The following PDK1 variants were observed in gnomAD, a reference collection of about 807,000 sequenced individuals.
PDK1 encodes pyruvate dehydrogenase kinase 1.
Under a neutral mutation model 54.2 loss-of-function variants are expected in PDK1, and 39 were observed. That is an observed-to-expected ratio of 0.72 (90% CI 0.56 to 0.94). PDK1 has a LOEUF of 0.94. Among genes scored for constraint, PDK1 ranks in the 40% least tolerant of loss-of-function variants. PDK1 has a pLI of 0.00. For missense variants in PDK1, 552 were observed against 566.0 expected (o/e 0.98, Z 0.25); for synonymous variants, 221 against 207.1 (o/e 1.07, Z -0.58).
the PDK1 span, among the ~76,000 whole-genome samples, chr2:172,642,202 A>C: frequency 6.6e-6 from 1 of 152,110 alleles, no homozygotes; most frequent in African/African-American, 2.4e-5. Context: ...GAAAAAAAGG[A>C]TATGTTATTA....
In PDK1 at chr2:172,601,188, A is replaced by G. The variant is rs1691104707; in HGVS notation, c.*5219A>G. 6.6e-6 allele frequency: 1 copy of G among 152,208 alleles called. No individual in the cohort carries two copies. The highest frequency in any genetic ancestry group is 2.4e-5 in the African/African-American group (1 of 41,440). The allele number at this position is 152,208 out of a possible 1,614,324, so 9.4% of individuals were successfully genotyped here. A position where few individuals can be genotyped will look rare whatever the true frequency, so the allele number is the denominator to read the frequency against. On this transcript the variant is annotated 3_prime_UTR_variant, in exon 11 of 11. Transcript: ENST00000282077. ...TTTCCATTCTCAAAATGATACTTAA[A>G]TGACTCAGTACAACAAAGAAACTGA... is the stretch of plus-strand genomic sequence containing the variant.
At chr2:172,669,939 C>G in the PDK1 span, among the ~76,000 whole-genome samples, 2 of 152,096 alleles carry the variant, frequency 1.3e-5, no homozygotes, top group Non-Finnish European at 2.9e-5. Context: ...AATATTTTCT[C>G]CATCTGTGGG....
At chr2:172,668,922 GAGAGAGAGAGAGAGAGAA>G in the PDK1 span, among the ~76,000 whole-genome samples, 696 of 146,544 alleles carry the variant, frequency 4.7e-3, 5 homozygotes, top group African/African-American at 0.016. Flanking sequence ...GAGAGAGAGA[GAGAGAGAGAGAGAGAGAA>G]AGAGAGAGAG....
chr2:172,599,366 TC>T lies in PDK1; in HGVS notation c.*3400del, dbSNP rs1244407129. 3.9e-5 allele frequency: 6 copies of T among 152,116 alleles called. No individual in the cohort carries two copies. Among genetic ancestry groups the T allele is most frequent in the African/African-American group, 1.4e-4 (6 of 41,426 alleles). 9.4% of individuals were successfully genotyped at this position (152,116 alleles called of 1,614,324 possible). ...GCTGGGAAAACTGTTAGTTTTAAGG[TC>T]CCACTGTTGCTCTGTGAATGACTAA... On this transcript the variant is annotated 3_prime_UTR_variant, in exon 11 of 11. Transcript: ENST00000282077.
chr2:172,611,779 AAGAAG>A (rs1439485943), downstream of PDK1, among the ~76,000 whole-genome samples: 3 of 152,258 alleles, frequency 2.0e-5, no homozygotes, highest in African/African-American at 7.2e-5. Flanking sequence ...AAACAGGCTG[AAGAAG>A]AGAAATCATA....
chr2:172,636,441 C>T, the PDK1 span, among the ~76,000 whole-genome samples: 48 of 151,928 alleles, frequency 3.2e-4, 1 homozygote, highest in East Asian at 6.2e-3. Context: ...AGAACTCAGC[C>T]GGGCGCGATG....
Position 172,593,014 on chromosome 2 carries a change from A to C in PDK1, c.1136A>C (p.Glu379Ala). ...FQGDLKLYSL[E>A]GYGTDAVIYI... ...GGAGACCTGAAGCTGTATTCCCTAG[A>C]GGGTTACGGGACAGATGCAGTTATC... is the stretch of plus-strand genomic sequence containing the variant. Residue 379 changes from glutamate to alanine, a missense_variant, in exon 10 of 11, where the codon GAG (glutamate) becomes GCG (alanine). Glu to Ala is a moderately radical substitution (Grantham distance 107, BLOSUM62 -1). Transcript: ENST00000282077. The C allele has an allele frequency of 6.2e-7, 1 of 1,605,710 alleles. No individual in the cohort carries two copies. The highest frequency in any genetic ancestry group is 8.5e-7 in the Non-Finnish European group (1 of 1,172,598).
the PDK1 span, among the ~76,000 whole-genome samples, chr2:172,716,843 T>C: frequency 1.3e-5 from 2 of 152,160 alleles, no homozygotes; most frequent in Non-Finnish European, 2.9e-5. Context: ...ATCACTAAAA[T>C]GATATTTTCA....
chr2:172,721,227 G>C, the PDK1 span, among the ~76,000 whole-genome samples: 1 of 152,264 alleles, frequency 6.6e-6, no homozygotes, highest in African/African-American at 2.4e-5. Context: ...TATCTGATGG[G>C]TTCAAGAAAA....
chr2:172,672,206 A>G, the PDK1 span, among the ~76,000 whole-genome samples: 1 of 152,204 alleles, frequency 6.6e-6, no homozygotes, highest in Non-Finnish European at 1.5e-5. Context: ...CTCTCATTTT[A>G]GTCATTCTCC....
the PDK1 span, among the ~76,000 whole-genome samples, chr2:172,614,220 G>C: frequency 6.7e-6 from 1 of 148,556 alleles, no homozygotes; most frequent in Non-Finnish European, 1.5e-5. Flanking sequence ...TACCTGTTCA[G>C]ACAGAGTCCT....
At chr2:172,587,904 C>T (rs912780989) in intron 9 of PDK1, among the ~76,000 whole-genome samples, 4 of 152,008 alleles carry the variant, frequency 2.6e-5, no homozygotes, top group African/African-American at 4.8e-5. Context: ...AGACGAAGAG[C>T]GCCAATTGGT....
At chr2:172,681,978 G>A in the PDK1 span, among the ~76,000 whole-genome samples, 1 of 152,260 alleles carries the variant, frequency 6.6e-6, no homozygotes, top group South Asian at 2.1e-4. Flanking sequence ...GGCTGGTCTT[G>A]AACCACTGAC....
intron 3 of PDK1, chr2:172,562,764 A>G: frequency 6.2e-7 from 1 of 1,603,896 alleles, no homozygotes; most frequent in Non-Finnish European, 8.5e-7. Flanking sequence ...ACATGGTTGC[A>G]GGTCTCTAGT....
At chr2:172,669,494 C>T in the PDK1 span, among the ~76,000 whole-genome samples, 1 of 152,170 alleles carries the variant, frequency 6.6e-6, no homozygotes, top group Non-Finnish European at 1.5e-5. Context: ...GGAGTGCAGA[C>T]ATCTCTTCAG....
Position 172,606,428 on chromosome 2 carries a change from T to C in PDK1, c.*10459T>C, listed in dbSNP as rs1691296790. ...CTTTCTATACTTTAGTGAACCTCCATGTTATGAACCTTACTTCCTCAAGTC... is the reference window on the plus strand; with the variant it reads ...CTTTCTATACTTTAGTGAACCTCCACGTTATGAACCTTACTTCCTCAAGTC... On this transcript the variant is annotated 3_prime_UTR_variant, in exon 11 of 11. Transcript: ENST00000282077. 6.6e-6 allele frequency: 1 copy of C among 152,330 alleles called. No homozygotes were observed. Among genetic ancestry groups the C allele is most frequent in the Middle Eastern group, 3.4e-3 (1 of 294 alleles). The allele number at this position is 152,330 out of a possible 1,614,324, so 9.4% of individuals were successfully genotyped here. A position where few individuals can be genotyped will look rare whatever the true frequency, so the allele number is the denominator to read the frequency against.
In PDK1 at chr2:172,566,877, G is replaced by A. The variant is rs200433531; in HGVS notation, c.713G>A (p.Arg238His). The A allele has an allele frequency of 1.4e-5, 23 of 1,609,608 alleles. No individual in the cohort carries two copies. The highest frequency in any genetic ancestry group is 6.7e-5 in the East Asian group (3 of 44,764). Residue 238 changes from arginine to histidine, a missense_variant, in exon 6 of 11, where the codon CGT becomes CAT. Coordinates refer to ENST00000282077, the MANE Select transcript of PDK1 (RefSeq NM_002610.5). Reference protein sequence around the residue: ...VIKDGYENARRLCDLYYINSP... With the variant: ...VIKDGYENARHLCDLYYINSP... ...CTAGATGGCTATGAAAATGCTAGGC[G>A]TCTGTGTGATTTGTATTATATTAAC...
the PDK1 span, among the ~76,000 whole-genome samples, chr2:172,637,189 G>T: frequency 6.6e-6 from 1 of 152,188 alleles, no homozygotes; most frequent in East Asian, 1.9e-4. Context: ...AATGTTTCAT[G>T]TTTCCAAGTA....
rs1690869330 is a variant in PDK1, at chr2:172,595,966, C to G, written c.1308C>G (p.Ala436=). The change falls in exon 11 of 11, where the codon GCC becomes GCG. Residue 436 remains alanine, a synonymous_variant. Transcript: ENST00000282077. ...AAGACATGACGACGTTCCGCAGTGC[C>G]TAGACACACTTGGGACATCGGAAAA... ...EPKDMTTFRS[A] 6.2e-7 allele frequency: 1 copy of G among 1,608,556 alleles called. No homozygotes were observed. Among genetic ancestry groups the G allele is most frequent in the South Asian group, 1.1e-5 (1 of 90,522 alleles).
Sources: gnomAD v4.1 joint callset for allele counts (sites outside exome capture counted in the v4.1 genomes callset) on GRCh38, gnomAD v4.1.1 for gene constraint, MANE v1.5 for transcripts, NCBI Gene and HGNC (gene_info 2026-07-23, HGNC 2026-07-21) for gene names.